Variants in DCTN4 observed in about 807,000 individuals in gnomAD.
DCTN4 encodes dynactin subunit 4.
A neutral mutation model predicts 62.7 loss-of-function variants in DCTN4; 23 were observed. The ratio of observed to expected loss-of-function variants is 0.37; its 90% CI spans 0.26 to 0.52. The LOEUF (loss-of-function observed/expected upper bound fraction) is 0.52. Among genes scored for constraint, DCTN4 ranks in the 20% least tolerant of loss-of-function variants. DCTN4 has a pLI of 0.92. For missense variants in DCTN4, 514 were observed against 580.4 expected (o/e 0.89, Z 1.18); for synonymous variants, 199 against 202.1 (o/e 0.98, Z 0.13).
chr5:150,725,476 T>C (rs1760109951), intron 8 of DCTN4, among the ~76,000 whole-genome samples: 1 of 152,044 alleles, frequency 6.6e-6, no homozygotes, highest in Non-Finnish European at 1.5e-5. Flanking sequence ...TTTGGTTTCT[T>C]AATTTACTGT....
chr5:150,747,123 C>G (rs1336099561), intron 3 of DCTN4, among the ~76,000 whole-genome samples: 1 of 152,126 alleles, frequency 6.6e-6, no homozygotes, highest in African/African-American at 2.4e-5. Flanking sequence ...ACAAAAATCA[C>G]AAGCATTCTT....
chr5:150,719,062 T>C (rs917345993), intron 10 of DCTN4, among the ~76,000 whole-genome samples: 3 of 152,166 alleles, frequency 2.0e-5, no homozygotes, highest in Admixed American at 2.0e-4. Context: ...CCAAGCAATC[T>C]ACTTATCTTG....
rs530452494 is a variant in DCTN4 at position 150,742,332 on chromosome 5, T to A, written c.386-175A>T. On this transcript the variant is annotated intron_variant, in intron 3 of 12. Transcript: ENST00000447998. Reference sequence around the variant, plus strand: ...AACAAAATTTTAAGAAAACATCTAATGATGGTGATAACAATCACCAATGCA... The same window carrying A: ...AACAAAATTTTAAGAAAACATCTAAAGATGGTGATAACAATCACCAATGCA... Among the ~76,000 whole-genome samples the A allele has an allele frequency of 9.9e-4, 150 of 152,206 alleles. 2 individuals carry two copies. The highest frequency in any genetic ancestry group is 5.2e-4 in the Admixed American group (8 of 15,284).
chr5:150,737,129 C>T (rs186611334), intron 4 of DCTN4, among the ~76,000 whole-genome samples: 37 of 152,140 alleles, frequency 2.4e-4, no homozygotes, highest in African/African-American at 6.0e-4. Flanking sequence ...ATTACTACTA[C>T]GCCTAAGAAA....
chr5:150,753,055 C>T (rs1221148300), intron 3 of DCTN4, among the ~76,000 whole-genome samples: 6 of 152,078 alleles, frequency 3.9e-5, no homozygotes, highest in East Asian at 1.9e-4. Flanking sequence ...TTAGTAGAGA[C>T]GGGGTTTCAC....
At chr5:150,744,454 T>C (rs1760885482) in intron 3 of DCTN4, among the ~76,000 whole-genome samples, 1 of 151,664 alleles carries the variant, frequency 6.6e-6, no homozygotes, top group African/African-American at 2.4e-5. Context: ...ACAAAGATAC[T>C]CCTCAAGAAG....
At chr5:150,756,028 A>G (rs997100298) in intron 2 of DCTN4, among the ~76,000 whole-genome samples, 2 of 149,824 alleles carry the variant, frequency 1.3e-5, no homozygotes, top group South Asian at 2.1e-4. Context: ...AAAAAAGTTA[A>G]TTTCATGTGT....
chr5:150,745,443 T>C (rs898550626), intron 3 of DCTN4, among the ~76,000 whole-genome samples: 1 of 152,012 alleles, frequency 6.6e-6, no homozygotes, highest in Non-Finnish European at 1.5e-5. Context: ...AACCAGACCT[T>C]ATAGACATCT....
At chr5:150,757,739 T>C (rs917077306) in intron 1 of DCTN4, among the ~76,000 whole-genome samples, 1 of 152,234 alleles carries the variant, frequency 6.6e-6, no homozygotes, top group African/African-American at 2.4e-5. Context: ...ATTCCTATTA[T>C]GAAAAGTATC....
chr5:150,722,854 A>T, intron 9 of DCTN4, 53 bp downstream of exon 9: 1 of 1,446,990 alleles, frequency 6.9e-7, no homozygotes, highest in Non-Finnish European at 9.6e-7. Flanking sequence ...GAAGAAGAAT[A>T]AACCAAAATA....
intron 9 of DCTN4, 146 bp from the exon 10 acceptor site, chr5:150,719,916 C>T (rs1230861023): frequency 3.4e-6 from 2 of 585,594 alleles, no homozygotes; most frequent in African/African-American, 1.9e-5. Context: ...CATATCATCA[C>T]AGTAAGAACT....
At chr5:150,749,768 T>C (rs1428016616) in intron 3 of DCTN4, among the ~76,000 whole-genome samples, 2 of 152,314 alleles carry the variant, frequency 1.3e-5, no homozygotes, top group East Asian at 1.9e-4. Flanking sequence ...TGAAAACATA[T>C]ATTCACACAA....
chr5:150,733,296 G>T, intron 5 of DCTN4, 72 bp downstream of exon 5: 1 of 1,058,912 alleles, frequency 9.4e-7, no homozygotes, highest in Non-Finnish European at 1.4e-6. Context: ...TAGGACAATG[G>T]CCATTTTCTG....
At chr5:150,748,437 G>C (rs981726462) in intron 3 of DCTN4, among the ~76,000 whole-genome samples, 62 of 152,214 alleles carry the variant, frequency 4.1e-4, no homozygotes, top group Non-Finnish European at 5.4e-4. Context: ...CCATTACTGG[G>C]TATATACCCA....
intron 12 of DCTN4, among the ~76,000 whole-genome samples, chr5:150,714,570 G>C (rs1418750038): frequency 5.2e-5 from 7 of 133,508 alleles, no homozygotes; most frequent in Admixed American, 4.7e-4. Flanking sequence ...TAGAGACGGA[G>C]TCTTAACTCT....
intron 3 of DCTN4, among the ~76,000 whole-genome samples, chr5:150,748,235 A>T (rs1176555394): frequency 1.3e-5 from 2 of 150,026 alleles, no homozygotes; most frequent in Admixed American, 1.3e-4. Context: ...AACCACAATG[A>T]GATACCATCT....
chr5:150,734,076 CA>C, intron 4 of DCTN4: 1 of 151,960 alleles, frequency 6.6e-6, no homozygotes, highest in Non-Finnish European at 1.5e-5. Flanking sequence ...CCTATAGTCC[CA>C]GCTACTCAAG....
At chr5:150,716,007 C>T (rs746902681) in intron 11 of DCTN4, among the ~76,000 whole-genome samples, 6 of 152,128 alleles carry the variant, frequency 3.9e-5, no homozygotes, top group Admixed American at 6.5e-5. Context: ...TGGGTTCAAG[C>T]GATTCTCCTG....
intron 10 of DCTN4, 92 bp from the exon 11 acceptor site, chr5:150,718,475 C>T (rs369429072): frequency 3.0e-4 from 235 of 785,256 alleles, no homozygotes; most frequent in African/African-American, 1.4e-3. Flanking sequence ...CGCCATTACT[C>T]CTGGGCAATG....
Sources: allele counts gnomAD v4.1 joint callset (sites outside exome capture counted in the v4.1 genomes callset), GRCh38; gene constraint gnomAD v4.1.1; transcripts MANE v1.5; gene names NCBI Gene and HGNC (gene_info 2026-07-23, HGNC 2026-07-21).